Variants in TNPO3 observed in about 807,000 individuals in gnomAD.
The protein encoded by TNPO3 is transportin 3.
A neutral mutation model predicts 122.8 loss-of-function variants in TNPO3; 65 were observed. That is an observed-to-expected ratio of 0.53 (90% confidence interval 0.43 to 0.65). The LOEUF (loss-of-function observed/expected upper bound fraction) is 0.65. Among genes scored for constraint, TNPO3 ranks in the 30% least tolerant of loss-of-function variants. TNPO3 has a pLI of 0.00. For missense variants in TNPO3, 850 were observed against 1,136.7 expected (o/e 0.75, Z 3.63); for synonymous variants, 372 against 411.2 (o/e 0.90, Z 1.15).
rs771596630 is a variant in TNPO3 at position 128,975,845 on chromosome 7, G to T, written c.2152C>A (p.Arg718=). 1.2e-6 allele frequency: 2 copies of T among 1,613,632 alleles called. No homozygotes were observed. The highest frequency in any genetic ancestry group is 1.7e-5 in the Admixed American group (1 of 60,022). ...VDEYGMEEGC[R]QGLLDMLQAL... is the part of the protein sequence containing the mutation. Reference sequence around the variant, plus strand: ...TGGAGCATGTCTAGCAGTCCCTGCCGACAGCCTTCTTCCATGCCATATTCA... The same window carrying T: ...TGGAGCATGTCTAGCAGTCCCTGCCTACAGCCTTCTTCCATGCCATATTCA... Residue 718 remains arginine, a synonymous_variant, in exon 17 of 23, where the codon CGG becomes AGG. Coordinates refer to ENST00000265388, the MANE Select transcript of TNPO3 (RefSeq NM_012470.4).
At chr7:129,029,539 AT>A (rs2150489890) in intron 1 of TNPO3, 1 of 152,528 alleles carries the variant, frequency 6.6e-6, no homozygotes, top group African/African-American at 2.4e-5. Context: ...TGGTTTCAGA[AT>A]GTAACTGCTT....
At chr7:128,995,700 CTTTAT>C (rs112281986) in intron 8 of TNPO3, among the ~76,000 whole-genome samples, 73,090 of 151,286 alleles carry the variant, frequency 0.48, 17,794 homozygotes, top group African/African-American at 0.5. Flanking sequence ...GGAGTCTTCA[CTTTAT>C]TTTATTTTTT....
intron 4 of TNPO3, among the ~76,000 whole-genome samples, chr7:129,012,011 T>C (rs373512623): frequency 4.8e-5 from 7 of 147,268 alleles, no homozygotes; most frequent in East Asian, 3.9e-4. Context: ...TTCTTTTTTT[T>C]TTTTTTTTTT....
At chr7:129,033,542 G>C (rs192994196) in intron 1 of TNPO3, among the ~76,000 whole-genome samples, 2 of 152,234 alleles carry the variant, frequency 1.3e-5, no homozygotes, top group Non-Finnish European at 2.9e-5. Flanking sequence ...AGGGGATGGA[G>C]GCTCCTCAAA....
chr7:129,030,749 GATATAGGTCACACATT>G (rs1248313726), intron 1 of TNPO3, among the ~76,000 whole-genome samples: 1 of 151,916 alleles, frequency 6.6e-6, no homozygotes, highest in Non-Finnish European at 1.5e-5. Flanking sequence ...GGAAGACTAG[GATATAGGTCACACATT>G]ATATATGTTC....
At chr7:129,020,094 A>C (rs1804297530) in intron 1 of TNPO3, among the ~76,000 whole-genome samples, 1 of 152,066 alleles carries the variant, frequency 6.6e-6, no homozygotes. Flanking sequence ...CTTGAGCCCA[A>C]GCAACAGAGT....
At chr7:129,054,553 C>A in intron 1 of TNPO3, 98 bp downstream of exon 1, 2 of 1,554,768 alleles carry the variant, frequency 1.3e-6, no homozygotes, top group Non-Finnish European at 1.7e-6. Flanking sequence ...CAAGGAGGAC[C>A]TCACGAGGTC....
At position 129,000,411 on chromosome 7, in the gene TNPO3, G is replaced by C. The variant is rs1056294662; in HGVS notation, c.1011+18C>G. ...CACAACTTGGAGAATAATGGCCTTTGAATAGCATAAACACTACCTCATATT... is the reference window on the plus strand; with the variant it reads ...CACAACTTGGAGAATAATGGCCTTTCAATAGCATAAACACTACCTCATATT... On this transcript the variant is annotated intron_variant, in intron 7 of 22. Transcript: ENST00000265388. 1 of 1,590,324 alleles carries C rather than the reference G, an allele frequency of 6.3e-7. No homozygotes were observed. Among genetic ancestry groups the C allele is most frequent in the African/African-American group, 1.3e-5 (1 of 74,128 alleles).
At chr7:128,998,336 G>A (rs923475701) in intron 7 of TNPO3, among the ~76,000 whole-genome samples, 6 of 152,024 alleles carry the variant, frequency 3.9e-5, no homozygotes, top group Non-Finnish European at 8.8e-5. Context: ...TTCCAGCCTA[G>A]GCAACAGAGT....
intron 21 of TNPO3, 47 bp from the exon 22 acceptor site, chr7:128,957,362 A>T: frequency 6.3e-7 from 1 of 1,599,752 alleles, no homozygotes; most frequent in East Asian, 2.2e-5. Flanking sequence ...AGAAAGACAG[A>T]ATATGCTGAA....
At chr7:128,965,696 G>T (rs921405066) in intron 21 of TNPO3, among the ~76,000 whole-genome samples, 1 of 152,176 alleles carries the variant, frequency 6.6e-6, no homozygotes, top group Non-Finnish European at 1.5e-5. Context: ...GCCATCAACA[G>T]ATGAAAGGAT....
At chr7:129,003,039 CAAAAAAAAAAAAA>C (rs56226072) in intron 5 of TNPO3, among the ~76,000 whole-genome samples, 1 of 53,284 alleles carries the variant, frequency 1.9e-5, no homozygotes, top group Non-Finnish European at 3.0e-5. Context: ...GACTCCCTCT[CAAAAAAAAAAAAA>C]AAAAAAAAAA....
intron 1 of TNPO3, among the ~76,000 whole-genome samples, chr7:129,038,179 C>T (rs984198857): frequency 1.3e-4 from 20 of 151,846 alleles, no homozygotes; most frequent in African/African-American, 3.4e-4. Context: ...GACTTCTTGT[C>T]AACAATGAGG....
chr7:129,027,558 CAAAAAAAAA>C (rs71162549), intron 1 of TNPO3, among the ~76,000 whole-genome samples: 16 of 8,958 alleles, frequency 1.8e-3, no homozygotes, highest in Admixed American at 5.1e-3. Flanking sequence ...AAGACTGTCT[CAAAAAAAAA>C]AAAAAAAAAA....
At chr7:129,004,929 A>G in intron 5 of TNPO3, 87 bp downstream of exon 5, 1 of 1,412,680 alleles carries the variant, frequency 7.1e-7, no homozygotes, top group Non-Finnish European at 9.6e-7. Flanking sequence ...TTACTGTGCA[A>G]AAATTTAAAA....
At chr7:128,974,136 T>C (rs1798813697) in intron 18 of TNPO3, among the ~76,000 whole-genome samples, 1 of 151,728 alleles carries the variant, frequency 6.6e-6, no homozygotes, top group South Asian at 2.1e-4. Flanking sequence ...ATCATGCCAT[T>C]GCACTCCAGC....
At chr7:129,027,558 C>CAGAAAAAAA (rs1805349336) in intron 1 of TNPO3, among the ~76,000 whole-genome samples, 1 of 8,960 alleles carries the variant, frequency 1.1e-4, no homozygotes, top group Non-Finnish European at 1.8e-4. Flanking sequence ...AAGACTGTCT[C>CAGAAAAAAA]AAAAAAAAAA....
At chr7:129,023,062 T>C (rs922365664) in intron 1 of TNPO3, among the ~76,000 whole-genome samples, 2 of 152,206 alleles carry the variant, frequency 1.3e-5, no homozygotes, top group Admixed American at 6.5e-5. Flanking sequence ...TTTTGGTGTA[T>C]ATACTGATAG....
At position 129,054,796 on chromosome 7, in the gene TNPO3, A is replaced by G. The variant is rs779391943; in HGVS notation, c.-26T>C. The G allele has an allele frequency of 1.9e-6, 3 of 1,613,688 alleles. No homozygotes were observed. The highest frequency in any genetic ancestry group is 2.2e-5 in the South Asian group (2 of 91,068). On this transcript the variant is annotated 5_prime_UTR_variant, in exon 1 of 23. Coordinates refer to ENST00000265388, the MANE Select transcript of TNPO3 (RefSeq NM_012470.4). ...GGTGGTGGCGGTAGTGGCGGTAGCG[A>G]CGGCTCTGATTCTTCTCCGGAGGAT...
Sources: gnomAD v4.1 joint callset for allele counts (sites outside exome capture counted in the v4.1 genomes callset) on GRCh38, gnomAD v4.1.1 for gene constraint, MANE v1.5 for transcripts, NCBI Gene and HGNC (gene_info 2026-07-23, HGNC 2026-07-21) for gene names.